The following COL17A1 variants were observed in gnomAD, a reference collection of about 807,000 sequenced individuals.
The protein encoded by COL17A1 is collagen type XVII alpha 1 chain.
In COL17A1, 181 loss-of-function variants were observed where a neutral mutation model predicts 218.4. That is an observed-to-expected ratio of 0.83 (90% CI 0.73 to 0.94). The LOEUF is 0.94. Among genes scored for constraint, COL17A1 ranks in the 40% least tolerant of loss-of-function variants. The pLI is 0.00. For synonymous variants in COL17A1, 721 were observed against 731.0 expected (o/e 0.99, Z 0.22); for missense variants, 1,924 against 1,945.9 (o/e 0.99, Z 0.21).
chr10:104,082,436 G>T (rs193046326), intron 1 of COL17A1, among the ~76,000 whole-genome samples: 99 of 152,276 alleles, frequency 6.5e-4, no homozygotes, highest in Admixed American at 9.8e-4. Flanking sequence ...AAAAAAATAG[G>T]TAATAAGCTG....
chr10:104,059,440 A>G lies in COL17A1; in HGVS notation c.1222+198T>C, dbSNP rs805700. On this transcript the variant is annotated intron_variant, in intron 15 of 55. Transcript: ENST00000648076. ...TCAGTAATGCAAATGCAAATCACCT[A>G]GGAAGCTTGTTGAACTGCAGCTTCT... 0.96 allele frequency: 601,659 copies of G among 627,512 alleles called. 289,609 individuals carry two copies. The highest frequency in any genetic ancestry group is 1 in the Non-Finnish European group (343,764 of 345,142). The allele number at this position is 627,512 out of a possible 1,614,324, so 38.9% of individuals were successfully genotyped here.
chr10:104,046,816 G>A (rs2086415065), intron 31 of COL17A1, 43 bp from the exon 32 acceptor site: 2 of 1,600,302 alleles, frequency 1.2e-6, no homozygotes, highest in South Asian at 2.2e-5. Context: ...GAAGGGTGGA[G>A]GCCATCCCTG....
rs1589571450 is a variant in COL17A1 at position 104,062,179 on chromosome 10, G to A, written c.910+79C>T. 5.0e-6 allele frequency: 8 copies of A among 1,604,122 alleles called. No individual in the cohort carries two copies. The East Asian group carries it at 1.3e-4, about 27-fold the overall frequency. ...GTCGACTGATTTTCAGGGACATTTT[G>A]GGTCTCCTAATTCAGTGAGTTGTAG... On this transcript the variant is annotated intron_variant, in intron 12 of 55. Coordinates refer to ENST00000648076, the MANE Select transcript of COL17A1 (RefSeq NM_000494.4).
chr10:104,050,196 G>C, intron 27 of COL17A1, 72 bp from the exon 28 acceptor site: 1 of 1,605,412 alleles, frequency 6.2e-7, no homozygotes, highest in Non-Finnish European at 8.5e-7. Context: ...CCAGTAACAG[G>C]GTCCCCGGCT....
chr10:104,041,361 G>T lies in COL17A1; in HGVS notation c.2606-17C>A. 1 of 1,609,934 alleles carries T rather than the reference G, an allele frequency of 6.2e-7. No homozygotes were observed. Among genetic ancestry groups the T allele is most frequent in the Non-Finnish European group, 8.5e-7 (1 of 1,178,336 alleles). On this transcript the variant is annotated splice_polypyrimidine_tract_variant and intron_variant, in intron 37 of 55. Transcript: ENST00000648076. Reference sequence around the variant, plus strand: ...TGGAAGGCCCTGCAGAAGAGAGCAAGGAAGAGGCCATGCTGAGCTCAGGGA... The same window carrying T: ...TGGAAGGCCCTGCAGAAGAGAGCAATGAAGAGGCCATGCTGAGCTCAGGGA...
intron 11 of COL17A1, 39 bp from the exon 12 acceptor site, chr10:104,062,368 CG>C: frequency 6.2e-7 from 1 of 1,613,926 alleles, no homozygotes; most frequent in Non-Finnish European, 8.5e-7. Flanking sequence ...ACAGGGAGCA[CG>C]GGGGATGCCC....
chr10:104,077,850 GA>G (rs2086725521), intron 3 of COL17A1, among the ~76,000 whole-genome samples: 1 of 152,230 alleles, frequency 6.6e-6, no homozygotes, highest in Admixed American at 6.5e-5. Context: ...GCTGAGCGAT[GA>G]AAGCTCCTTG....
chr10:104,051,227 G>A (rs2086466251), intron 25 of COL17A1, among the ~76,000 whole-genome samples: 1 of 152,178 alleles, frequency 6.6e-6, no homozygotes, highest in Non-Finnish European at 1.5e-5. Context: ...TCAGATGGAG[G>A]CAGGATGGGG....
intron 32 of COL17A1, among the ~76,000 whole-genome samples, chr10:104,046,082 T>TG (rs890758863): frequency 9.8e-5 from 15 of 152,296 alleles, no homozygotes; most frequent in African/African-American, 3.4e-4. Context: ...ACCTGGAGCC[T>TG]GCAGAGCAGC....
intron 2 of COL17A1, among the ~76,000 whole-genome samples, chr10:104,078,974 C>T (rs1276066316): frequency 1.3e-5 from 2 of 152,206 alleles, no homozygotes; most frequent in Non-Finnish European, 2.9e-5. Flanking sequence ...TCCCCATGGT[C>T]TCTCAGTTCA....
At chr10:104,052,871 C>T (rs1413359080) in intron 23 of COL17A1, among the ~76,000 whole-genome samples, 160 bp downstream of exon 23, 1 of 152,190 alleles carries the variant, frequency 6.6e-6, no homozygotes, top group African/African-American at 2.4e-5. Flanking sequence ...CTATGCCCAG[C>T]GTCTCTGCAG....
At chr10:104,058,481 C>T (rs192656415) in intron 15 of COL17A1, among the ~76,000 whole-genome samples, 38 of 152,198 alleles carry the variant, frequency 2.5e-4, no homozygotes, top group Admixed American at 1.8e-3. Flanking sequence ...TTATGGGTGC[C>T]GCTTGCATTC....
intron 15 of COL17A1, 145 bp downstream of exon 15, chr10:104,059,493 G>C (rs1413461344): frequency 1.3e-6 from 1 of 750,726 alleles, no homozygotes; most frequent in African/African-American, 1.7e-5. Flanking sequence ...CTAGGGCTGG[G>C]ATCCTGCTTT....
intron 33 of COL17A1, among the ~76,000 whole-genome samples, chr10:104,044,233 C>T (rs1173998654): frequency 2.6e-5 from 4 of 152,154 alleles, no homozygotes; most frequent in Admixed American, 6.5e-5. Flanking sequence ...AGGACAGAGG[C>T]GATGAGCCCG....
chr10:104,055,981 C>A lies in COL17A1; in HGVS notation c.1488G>T (p.Lys496Asn), dbSNP rs1481691502. Residue 496 changes from lysine (K) to asparagine (N), a missense_variant, in exon 18 of 56, where the codon AAG (lysine) becomes AAT (asparagine). Physicochemically the swap from Lys to Asn is moderately conservative, Grantham distance 94. Coordinates refer to ENST00000648076, the MANE Select transcript of COL17A1 (RefSeq NM_000494.4). The stretch of plus-strand genomic sequence containing the variant: ...TCCTCTCCAGCTCATCCACACGCGC[C>A]TTCAGCTTCCTCACCTCCTCCGCTG... ...IALAEEVRKL[K>N]ARVDELERIR... The A allele has an allele frequency of 1.2e-6, 2 of 1,614,102 alleles. No individual in the cohort carries two copies. Among genetic ancestry groups the A allele is most frequent in the African/African-American group, 2.7e-5 (2 of 74,948 alleles).
rs767337823 is a variant in COL17A1, at chr10:104,041,078, G to A, written c.2688C>T (p.Phe896=). ...LPGPPGPPGS[F]LSNSETFLSG... is the part of the protein sequence containing the mutation. ...CCCTGACATTACCTGAGTTGGACAGGAACGATCCTGGTGGGCCTGGTGGGC... is the reference window on the plus strand; with the variant it reads ...CCCTGACATTACCTGAGTTGGACAGAAACGATCCTGGTGGGCCTGGTGGGC... The change falls in exon 39 of 56, where the codon TTC becomes TTT. Residue 896 remains phenylalanine (F), a synonymous_variant. Coordinates refer to ENST00000648076, the MANE Select transcript of COL17A1 (RefSeq NM_000494.4). 1.7e-5 allele frequency: 27 copies of A among 1,614,028 alleles called. No individual in the cohort carries two copies. Among genetic ancestry groups the A allele is most frequent in the Admixed American group, 1.0e-4 (6 of 60,008 alleles).
chr10:104,065,046 A>G (rs1259909348), intron 9 of COL17A1, among the ~76,000 whole-genome samples: 1 of 152,208 alleles, frequency 6.6e-6, no homozygotes, highest in African/African-American at 2.4e-5. Context: ...TGCAGGGTGC[A>G]TGCCTGGGCA....
In COL17A1 at chr10:104,064,510, C is replaced by T; in HGVS notation, c.694G>A (p.Gly232Arg). The T allele has an allele frequency of 6.2e-7, 1 of 1,614,116 alleles. No individual in the cohort carries two copies. Among genetic ancestry groups the T allele is most frequent in the African/African-American group, 1.3e-5 (1 of 75,004 alleles). Residue 232 changes from glycine to arginine, a missense_variant, in exon 10 of 56, where the codon GGG becomes AGG. By Grantham distance (125) the Gly-to-Arg change is moderately radical. Coordinates refer to ENST00000648076, the MANE Select transcript of COL17A1 (RefSeq NM_000494.4). ...SSTLPAGSSMGTYHNNMTTQS... is the reference protein window; with the variant it reads ...SSTLPAGSSMRTYHNNMTTQS... ...GTTGTCATGTTGTTGTGATAGGTCC[C>T]CATGGAGGACCCCGCGGGCAGGGTG...
intron 33 of COL17A1, 70 bp downstream of exon 33, chr10:104,045,688 C>A (rs936830496): frequency 1.8e-5 from 24 of 1,298,586 alleles, no homozygotes; most frequent in Non-Finnish European, 2.6e-5. Flanking sequence ...GAGGCCTCCT[C>A]CTGTCCATCC....
Sources: gnomAD v4.1 joint callset for allele counts (sites outside exome capture counted in the v4.1 genomes callset) on GRCh38, gnomAD v4.1.1 for gene constraint, MANE v1.5 for transcripts, NCBI Gene and HGNC (gene_info 2026-07-23, HGNC 2026-07-21) for gene names.